UBE4B: variants seen among roughly 807,000 people sequenced by gnomAD.
The protein encoded by UBE4B is ubiquitin conjugation factor E4 B.
UBE4B carries 27 observed loss-of-function variants against 148.1 expected under a neutral mutation model. The observed-to-expected ratio is 0.18, with a 90% confidence interval of 0.13 to 0.25. UBE4B has a LOEUF of 0.25. UBE4B is among the 10% of genes least tolerant of loss of function. UBE4B has a pLI of 1.00. For synonymous variants in UBE4B, 596 were observed against 619.3 expected (o/e 0.96, Z 0.56); for missense variants, 1,170 against 1,662.4 (o/e 0.70, Z 5.15).
rs1646151787 is a variant in UBE4B, at chr1:10,161,057, G to A, written c.3054-85G>A. ...TTAGGGTGAGATAGTTGCAGTCTGGGTGGAGGTGCTTGTTCCCTGGGATTT... is the reference window on the plus strand; with the variant it reads ...TTAGGGTGAGATAGTTGCAGTCTGGATGGAGGTGCTTGTTCCCTGGGATTT... On this transcript the variant is annotated intron_variant, in intron 22 of 27. Transcript: ENST00000343090. This position sits in a 1 kb window ranked among gnomAD's most constrained non-coding sequence, Gnocchi z 4.1. The A allele has an allele frequency of 6.7e-7, 1 of 1,502,618 alleles. No individual in the cohort carries two copies. The highest frequency in any genetic ancestry group is 9.1e-7 in the Non-Finnish European group (1 of 1,098,486). 93.1% of individuals were successfully genotyped at this position (1,502,618 alleles called of 1,614,324 possible). A position where few individuals can be genotyped will look rare whatever the true frequency, so the allele number is the denominator to read the frequency against.
intron 1 of UBE4B, among the ~76,000 whole-genome samples, chr1:10,038,212 G>T (rs1379488405): frequency 6.7e-6 from 1 of 150,182 alleles, no homozygotes; most frequent in Non-Finnish European, 1.5e-5. Context: ...CCCGGGAGGC[G>T]GAGGTTGCAG....
At chr1:10,134,832 G>T (rs1470154899) in intron 15 of UBE4B, among the ~76,000 whole-genome samples, 156 bp from the exon 16 acceptor site, 1 of 151,956 alleles carries the variant, frequency 6.6e-6, no homozygotes, top group Non-Finnish European at 1.5e-5. Context: ...CCAGCTACTT[G>T]GGAGGCTAAG....
chr1:10,120,089 G>T (rs151302350), intron 9 of UBE4B, among the ~76,000 whole-genome samples: 1 of 152,092 alleles, frequency 6.6e-6, no homozygotes, highest in South Asian at 2.1e-4. Flanking sequence ...TCCTATAAAG[G>T]TTGCAAATTT....
In UBE4B at chr1:10,117,589, A is replaced by G; in HGVS notation, c.1327A>G (p.Lys443Glu). The change falls in exon 8 of 28, where the codon AAA becomes GAA. Residue 443 changes from lysine to glutamate, a missense_variant. Physicochemically the swap from Lys to Glu is moderately conservative, Grantham distance 56. Coordinates refer to ENST00000343090, the MANE Select transcript of UBE4B (RefSeq NM_001105562.3). ...CGACCGAGTTGGAATAGAGGAAAAA[A>G]AAGCACCAAAGGTAATATGAAATGG... ...CFDRVGIEEK[K>E]APKMCSQPAV... is the part of the protein sequence containing the mutation. 5 of 1,582,586 alleles carry G rather than the reference A, an allele frequency of 3.2e-6. No homozygotes were observed. The highest frequency in any genetic ancestry group is 4.3e-6 in the Non-Finnish European group (5 of 1,171,920).
intron 1 of UBE4B, chr1:10,054,507 T>C: frequency 2.5e-6 from 1 of 400,780 alleles, no homozygotes; most frequent in Non-Finnish European, 4.8e-6. Flanking sequence ...TCTCACACAG[T>C]GTGCTTCTCT....
intron 22 of UBE4B, 40 bp downstream of exon 22, chr1:10,158,522 C>A (rs1472838521): frequency 1.2e-6 from 2 of 1,601,426 alleles, no homozygotes; most frequent in African/African-American, 1.3e-5. Flanking sequence ...TGCTTTCTTG[C>A]AAATCGCAGG....
In UBE4B at chr1:10,159,601, C is replaced by T. The variant is rs540425633; in HGVS notation, c.3053+1119C>T. On this transcript the variant is annotated intron_variant, in intron 22 of 27. Coordinates refer to ENST00000343090, the MANE Select transcript of UBE4B (RefSeq NM_001105562.3). ...TCAGGAGGCTGAGGCAGGAGAATGG[C>T]GTGAACCTGGGAGGCGGAGCTTGCA... is the stretch of plus-strand genomic sequence containing the variant. Among the ~76,000 whole-genome samples the T allele has an allele frequency of 6.6e-5, 10 of 152,280 alleles. No individual in the cohort carries two copies. In the East Asian group the frequency reaches 1.3e-3, roughly 21 times the overall value.
rs967972664 is a variant in UBE4B, at chr1:10,180,801, G to GT, written c.*855dup. On this transcript the variant is annotated 3_prime_UTR_variant, in exon 28 of 28. Transcript: ENST00000343090. ...TATATTTTGGGGAGATGAGGGTTGG[G>GT]TTTTTTTTTTAATGCTACGTGACAG... 2.6e-4 allele frequency: 38 copies of GT among 147,322 alleles called. No homozygotes were observed. The highest frequency in any genetic ancestry group is 4.3e-4 in the South Asian group (2 of 4,606). 9.1% of individuals were successfully genotyped at this position (147,322 alleles called of 1,614,324 possible).
intron 14 of UBE4B, among the ~76,000 whole-genome samples, chr1:10,131,476 C>T (rs879065799): frequency 6.6e-6 from 1 of 152,028 alleles, no homozygotes; most frequent in Non-Finnish European, 1.5e-5. Context: ...CAGAGCAAGA[C>T]TCCATCTCAA....
rs558828770 is a variant in UBE4B at position 10,129,580 on chromosome 1, G to C, written c.1695+132G>C. 9.2e-5 allele frequency: 71 copies of C among 772,632 alleles called. No homozygotes were observed. In the African/African-American group the frequency reaches 1.1e-3, roughly 12 times the overall value. 47.9% of individuals were successfully genotyped at this position (772,632 alleles called of 1,614,324 possible). ...GGTGTAGGCGGAGGTAACGTGTCTG[G>C]GAGGCTCTCAACTGTTACATTTTTG... On this transcript the variant is annotated intron_variant, in intron 12 of 27. Transcript: ENST00000343090.
chr1:10,033,828 C>T (rs747082431), intron 1 of UBE4B, 134 bp downstream of exon 1: 14 of 914,876 alleles, frequency 1.5e-5, no homozygotes, highest in Non-Finnish European at 2.0e-5. Flanking sequence ...CCAAGAATAA[C>T]GTGACTCCCC....
chr1:10,170,944 A>G (rs1265073782), intron 24 of UBE4B, 194 bp from the exon 25 acceptor site: 1 of 495,758 alleles, frequency 2.0e-6, no homozygotes, highest in African/African-American at 1.9e-5. Flanking sequence ...TAAGTATTAG[A>G]ATTATCAGAT....
At chr1:10,129,631 A>C (rs545463426) in intron 12 of UBE4B, among the ~76,000 whole-genome samples, 183 bp downstream of exon 12, 3 of 152,070 alleles carry the variant, frequency 2.0e-5, no homozygotes, top group African/African-American at 7.2e-5. Context: ...CCTGCATTAC[A>C]GTTGTTCATT....
At chr1:10,071,350 G>A (rs1016597456) in intron 1 of UBE4B, among the ~76,000 whole-genome samples, 8 of 152,216 alleles carry the variant, frequency 5.3e-5, no homozygotes, top group Non-Finnish European at 7.3e-5. Context: ...GGGAGGCCAA[G>A]GTGGGAGGAT....
chr1:10,033,983 G>A (rs1177356894), intron 1 of UBE4B, among the ~76,000 whole-genome samples: 1 of 152,184 alleles, frequency 6.6e-6, no homozygotes, highest in East Asian at 1.9e-4. Context: ...TTCAGGGTAT[G>A]CGAACAAGAA....
chr1:10,137,921 C>CTTTTT lies in UBE4B; in HGVS notation c.2363+743_2363+747dup, dbSNP rs70998351. ...ACCTTGCTTAAATCACTTACTAATTCTTTTTTTTTTTTTTTTTTTTTTTTT... is the reference window on the plus strand; with the variant it reads ...ACCTTGCTTAAATCACTTACTAATTCTTTTTTTTTTTTTTTTTTTTTTTTTTTTTT... On this transcript the variant is annotated intron_variant, in intron 17 of 27. Coordinates refer to ENST00000343090, the MANE Select transcript of UBE4B (RefSeq NM_001105562.3). Among the ~76,000 whole-genome samples the CTTTTT allele has an allele frequency of 4.8e-4, 32 of 67,038 alleles. 2 individuals are homozygous for CTTTTT. The highest frequency in any genetic ancestry group is 1.2e-3 in the East Asian group (2 of 1,706). The allele number at this position is 67,038 out of a possible 152,430, so 44.0% of individuals were successfully genotyped here.
chr1:10,167,229 C>T (rs913662679), intron 23 of UBE4B, among the ~76,000 whole-genome samples: 3 of 152,174 alleles, frequency 2.0e-5, no homozygotes, highest in Non-Finnish European at 4.4e-5. Flanking sequence ...CACCTGACGT[C>T]AGGAGTTCGA....
At chr1:10,059,760 A>T (rs1178689508) in intron 1 of UBE4B, 1 of 152,428 alleles carries the variant, frequency 6.6e-6, no homozygotes. Flanking sequence ...AGCTGTAGGC[A>T]TCCGAAGTTG....
chr1:10,108,016 T>G (rs1235964022), intron 7 of UBE4B, among the ~76,000 whole-genome samples: 1 of 152,218 alleles, frequency 6.6e-6, no homozygotes. Flanking sequence ...ACCCTTCATT[T>G]ATCTATTGCG....
Sources: allele counts gnomAD v4.1 joint callset (sites outside exome capture counted in the v4.1 genomes callset), GRCh38; gene constraint gnomAD v4.1.1; non-coding constraint Gnocchi (gnomAD v3.1); transcripts MANE v1.5; gene names NCBI Gene and HGNC (gene_info 2026-07-23, HGNC 2026-07-21).